MYT1L: variants seen among roughly 807,000 people sequenced by gnomAD.
The protein encoded by MYT1L is myelin transcription factor 1-like protein.
MYT1L carries 12 observed loss-of-function variants against 126.7 expected under a neutral mutation model. The ratio of observed to expected loss-of-function variants is 0.09; its 90% confidence interval spans 0.06 to 0.15. The LOEUF (loss-of-function observed/expected upper bound fraction) is 0.15, where lower values mean the gene tolerates loss of function less well. Among genes scored for constraint, MYT1L ranks in the 10% least tolerant of loss-of-function variants. The pLI is 1.00. For missense variants in MYT1L, 979 were observed against 1,585.2 expected, an observed-to-expected ratio of 0.62 and a Z score of 6.49; for synonymous variants, 541 against 604.2, an observed-to-expected ratio of 0.90 and a Z score of 1.53.
chr2:2,243,358 C>G (rs947529939), intron 2 of MYT1L, among the ~76,000 whole-genome samples: 1 of 152,170 alleles, frequency 6.6e-6, no homozygotes, highest in African/African-American at 2.4e-5. Flanking sequence ...AAATAACCTT[C>G]TATACAAACT....
rs553455609 is a variant in MYT1L, at chr2:2,218,289, A to C, written c.-420-45301T>G. ...TAAAATTTCATAGCAACTTAATTTG[A>C]AAAAGCCATAAATTGGAAATGATAC... is the stretch of plus-strand genomic sequence containing the variant. On this transcript the variant is annotated intron_variant, in intron 2 of 24. Coordinates refer to ENST00000647738, the MANE Select transcript of MYT1L (RefSeq NM_001303052.2). Among the ~76,000 whole-genome samples the C allele has an allele frequency of 1.8e-4, 27 of 152,356 alleles. No homozygotes were observed. The South Asian group carries it at 5.4e-3, about 30-fold the overall frequency.
At chr2:1,884,882 G>A (rs185057601) in intron 18 of MYT1L, among the ~76,000 whole-genome samples, 24 of 152,306 alleles carry the variant, frequency 1.6e-4, no homozygotes, top group Non-Finnish European at 8.8e-5. Flanking sequence ...GGTGGGGACC[G>A]TCACACCATC....
chr2:2,061,270 G>A (rs1266746486), intron 3 of MYT1L, among the ~76,000 whole-genome samples: 1 of 152,156 alleles, frequency 6.6e-6, no homozygotes, highest in Non-Finnish European at 1.5e-5. Flanking sequence ...CCTGGCTGTG[G>A]GGGCCGCAGT....
At chr2:2,208,462 G>A (rs1192924199) in intron 2 of MYT1L, among the ~76,000 whole-genome samples, 1 of 152,074 alleles carries the variant, frequency 6.6e-6, no homozygotes, top group Non-Finnish European at 1.5e-5. Context: ...CAGGTGCAGT[G>A]CCATCCAAGC....
At chr2:2,235,355 TCC>T in intron 2 of MYT1L, among the ~76,000 whole-genome samples, 4 of 63,082 alleles carry the variant, frequency 6.3e-5, no homozygotes, top group African/African-American at 3.0e-4. Context: ...CCTCAGAGCT[TCC>T]CCTTAGAGGG....
At chr2:2,205,538 C>G (rs2093278679) in intron 2 of MYT1L, among the ~76,000 whole-genome samples, 1 of 152,178 alleles carries the variant, frequency 6.6e-6, no homozygotes, top group Admixed American at 6.5e-5. Context: ...CATCCAAACT[C>G]AATCATACTC....
At chr2:1,850,865 C>T (rs554597253) in intron 19 of MYT1L, among the ~76,000 whole-genome samples, 2 of 152,226 alleles carry the variant, frequency 1.3e-5, no homozygotes, top group Non-Finnish European at 2.9e-5. Context: ...TGTAAATCCC[C>T]ACTTGTCCTC....
chr2:2,094,132 C>T (rs908783337), intron 3 of MYT1L, among the ~76,000 whole-genome samples: 2 of 152,168 alleles, frequency 1.3e-5, no homozygotes, highest in African/African-American at 4.8e-5. Flanking sequence ...CGTGATGCTT[C>T]CAGCTTTGTT....
intron 4 of MYT1L, among the ~76,000 whole-genome samples, chr2:2,027,567 T>C (rs1255531109): frequency 6.6e-6 from 1 of 152,214 alleles, no homozygotes; most frequent in Non-Finnish European, 1.5e-5. Flanking sequence ...CAAATATGAA[T>C]TGATTATTCT....
intron 14 of MYT1L, among the ~76,000 whole-genome samples, chr2:1,896,766 A>T (rs2049629099): frequency 6.6e-6 from 1 of 152,102 alleles, no homozygotes. Context: ...TGTAATGAAC[A>T]TGCACAGGTA....
At chr2:2,159,175 C>T (rs1036986364) in intron 3 of MYT1L, among the ~76,000 whole-genome samples, 1 of 152,020 alleles carries the variant, frequency 6.6e-6, no homozygotes, top group African/African-American at 2.4e-5. Context: ...AGGGGGCTGT[C>T]GGGGTGACGG....
intron 19 of MYT1L, among the ~76,000 whole-genome samples, chr2:1,849,445 G>A (rs1304127482): frequency 2.0e-5 from 3 of 152,202 alleles, no homozygotes; most frequent in Non-Finnish European, 4.4e-5. Flanking sequence ...CTGTTTCTGT[G>A]CTGCCTGGTG....
intron 2 of MYT1L, among the ~76,000 whole-genome samples, chr2:2,267,089 C>T (rs1327808258): frequency 6.6e-6 from 1 of 152,188 alleles, no homozygotes; most frequent in Non-Finnish European, 1.5e-5. Flanking sequence ...GAAACTGAGC[C>T]AGGAGGCGAA....
At chr2:2,315,655 G>A (rs183064134) in intron 1 of MYT1L, among the ~76,000 whole-genome samples, 79 of 152,246 alleles carry the variant, frequency 5.2e-4, no homozygotes, top group African/African-American at 1.9e-3. Flanking sequence ...TTTATCAACA[G>A]TTTGAATTTG....
In MYT1L at chr2:1,835,111, T is replaced by A. The variant is rs138220493; in HGVS notation, c.3080+4038A>T. Among the ~76,000 whole-genome samples the A allele has an allele frequency of 2.6e-3, 394 of 151,496 alleles. 31 individuals carry two copies. Among genetic ancestry groups the A allele is most frequent in the African/African-American group, 9.0e-3 (368 of 40,924 alleles). ...GGATGGATACAGGTGCTCCTCCACA[T>A]ACCATGGGGATGGATACAGGTACTC... On this transcript the variant is annotated intron_variant, in intron 21 of 24. Transcript: ENST00000647738.
chr2:2,130,893 C>A (rs2082281538), intron 3 of MYT1L, among the ~76,000 whole-genome samples: 1 of 151,750 alleles, frequency 6.6e-6, no homozygotes, highest in African/African-American at 2.4e-5. Flanking sequence ...AACAAGAAAC[C>A]CAGGCAAGAA....
chr2:1,802,820 A>G (rs899279937), intron 22 of MYT1L, among the ~76,000 whole-genome samples: 2 of 152,236 alleles, frequency 1.3e-5, no homozygotes, highest in Admixed American at 1.3e-4. Context: ...GAGTTTGGCA[A>G]ACACAATCAC....
At chr2:2,193,024 G>T (rs886865609) in intron 2 of MYT1L, among the ~76,000 whole-genome samples, 1 of 151,998 alleles carries the variant, frequency 6.6e-6, no homozygotes, top group African/African-American at 2.4e-5. Context: ...GTGCAGTGGC[G>T]CAATTTCAAC....
chr2:1,908,618 C>G lies in MYT1L; in HGVS notation c.1817+1622G>C, dbSNP rs367871764. Among the ~76,000 whole-genome samples, 7 of 152,340 alleles carry G rather than the reference C, an allele frequency of 4.6e-5. No homozygotes were observed. The East Asian group carries it at 1.2e-3, about 25-fold the overall frequency. ...TACCAACTTTCAAATTCTCCTTTGA[C>G]CAATAACGATTCCTTGCTGGATTAC... is the stretch of plus-strand genomic sequence containing the variant. On this transcript the variant is annotated intron_variant, in intron 13 of 24. Transcript: ENST00000647738.
Sources: gnomAD v4.1 joint callset for allele counts (sites outside exome capture counted in the v4.1 genomes callset) on GRCh38, gnomAD v4.1.1 for gene constraint, MANE v1.5 for transcripts, NCBI Gene and HGNC (gene_info 2026-07-23, HGNC 2026-07-21) for gene names.